Variants in CLCN5 observed in about 807,000 individuals in gnomAD.
CLCN5 encodes Cl-/H+ antiporter 5, also known as H(+)/Cl(-) exchange transporter 5.
In CLCN5, 17 loss-of-function variants were observed where a neutral mutation model predicts 54.0. That is an observed-to-expected ratio of 0.31 (90% CI 0.22 to 0.47). CLCN5 has a LOEUF of 0.47. CLCN5 is among the 20% of genes least tolerant of loss of function. CLCN5 has a pLI of 1.00. For synonymous variants in CLCN5, 222 were observed against 233.0 expected (o/e 0.95, Z 0.43); for missense variants, 448 against 646.7 (o/e 0.69, Z 3.33).
intron 3 of CLCN5, among the ~76,000 whole-genome samples, chrX:50,021,171 G>A (rs1327841611): frequency 8.2e-5 from 8 of 97,962 alleles, no homozygotes; most frequent in Non-Finnish European, 1.5e-4. Flanking sequence ...GTGGTTTGTA[G>A]TTCTCCTTGA....
rs782752625 is a variant in CLCN5 at position 49,932,185 on chromosome X, G to T, written c.16+6871G>T. On this transcript the variant is annotated intron_variant, in intron 3 of 14. Transcript: ENST00000376091. Reference sequence around the variant, plus strand: ...CCTGCCTTGGCCTCCCAAAGTGCAGGGATTACAGGCATGAGCCATCATGCC... The same window carrying T: ...CCTGCCTTGGCCTCCCAAAGTGCAGTGATTACAGGCATGAGCCATCATGCC... 2.7e-5 allele frequency among the ~76,000 whole-genome samples: 3 copies of T among 111,718 alleles called. No individual in the cohort carries two copies. The Admixed American group carries it at 2.8e-4, about 11-fold the overall frequency.
rs140990582 is a variant in CLCN5 at position 49,932,465 on chromosome X, A to T, written c.16+7151A>T. Among the ~76,000 whole-genome samples, 926 of 112,162 alleles carry T rather than the reference A, an allele frequency of 8.3e-3. 2 individuals carry two copies. The highest frequency in any genetic ancestry group is 0.014 in the Non-Finnish European group (729 of 53,230). On this transcript the variant is annotated intron_variant, in intron 3 of 14. Transcript: ENST00000376091. ...AGAAAACAAGTGATTTGAAAATGAG[A>T]TATAAGAGTCAGTAGACTCTCAACA...
chrX:50,032,817 T>A (rs1186905554), intron 3 of CLCN5, among the ~76,000 whole-genome samples: 16 of 109,608 alleles, frequency 1.5e-4, no homozygotes, highest in South Asian at 3.8e-4. Flanking sequence ...CTGAATGGTA[T>A]TGCCTAGGTT....
chrX:50,065,597 A>C (rs1386491869), intron 4 of CLCN5, among the ~76,000 whole-genome samples: 4 of 80,391 alleles, frequency 5.0e-5, no homozygotes, highest in Non-Finnish European at 7.1e-5. Context: ...TGTGGAAGTC[A>C]GTGTGGCGAT....
intron 4 of CLCN5, among the ~76,000 whole-genome samples, chrX:50,055,472 G>A (rs782013808): frequency 2.1e-4 from 23 of 111,516 alleles, no homozygotes; most frequent in East Asian, 5.6e-4. Context: ...CTGAATAAGC[G>A]TTCTTCCTCT....
intron 3 of CLCN5, among the ~76,000 whole-genome samples, chrX:50,038,362 G>A (rs1183035347): frequency 2.7e-5 from 3 of 111,258 alleles, no homozygotes; most frequent in Non-Finnish European, 3.8e-5. Context: ...ACAATGTAAA[G>A]ACCTGGAAGA....
At chrX:50,003,775 C>A (rs1178973346) in intron 3 of CLCN5, among the ~76,000 whole-genome samples, 1 of 109,623 alleles carries the variant, frequency 9.1e-6, no homozygotes, top group Non-Finnish European at 1.9e-5. Flanking sequence ...CATGGTGCAG[C>A]CCCTCATACT....
intron 3 of CLCN5, 145 bp downstream of exon 3, chrX:49,925,459 T>G: frequency 1.7e-6 from 1 of 575,094 alleles, no homozygotes. Flanking sequence ...CAAAACACAT[T>G]AGTTTAAAAA....
intron 3 of CLCN5, among the ~76,000 whole-genome samples, chrX:49,991,436 A>G (rs1277180103): frequency 9.0e-6 from 1 of 111,549 alleles, no homozygotes; most frequent in Non-Finnish European, 1.9e-5. Context: ...TTCTGTGCAG[A>G]TTTTGTATAT....
intron 4 of CLCN5, among the ~76,000 whole-genome samples, chrX:50,058,823 T>C (rs1407355474): frequency 9.0e-6 from 1 of 111,281 alleles, no homozygotes; most frequent in Admixed American, 9.6e-5. Flanking sequence ...TTGAGATAAG[T>C]TTTACTTTTT....
intron 3 of CLCN5, among the ~76,000 whole-genome samples, chrX:49,988,413 A>G (rs782017898): frequency 3.5e-4 from 39 of 111,628 alleles, no homozygotes; most frequent in South Asian, 7.5e-4. Context: ...TTCCTTATTT[A>G]TGAACCTAGG....
Position 50,044,132 on chromosome X carries a change from C to T in CLCN5, c.163+1670C>T, listed in dbSNP as rs782235869. On this transcript the variant is annotated intron_variant, in intron 4 of 14. Coordinates refer to ENST00000376091, the MANE Select transcript of CLCN5 (RefSeq NM_001127898.4). ...ATTTTCAGGATTAAATGAGATAATA[C>T]ATATATAGTGCTTATAACTATACCT... Among the ~76,000 whole-genome samples, 5 of 111,645 alleles carry T rather than the reference C, an allele frequency of 4.5e-5. No individual in the cohort carries two copies. The South Asian group carries it at 1.9e-3, about 42-fold the overall frequency.
At chrX:49,973,852 C>A (rs1557176611) in intron 3 of CLCN5, among the ~76,000 whole-genome samples, 1 of 111,234 alleles carries the variant, frequency 9.0e-6, no homozygotes, top group Non-Finnish European at 1.9e-5. Flanking sequence ...GCATCTGATT[C>A]ACACTAATTT....
At chrX:50,033,364 T>A (rs1466744656) in intron 3 of CLCN5, among the ~76,000 whole-genome samples, 2 of 111,198 alleles carry the variant, frequency 1.8e-5, no homozygotes, top group South Asian at 3.8e-4. Context: ...ATCATTCTTA[T>A]ACACCAATAA....
chrX:50,055,916 C>T (rs1465394015), intron 4 of CLCN5, among the ~76,000 whole-genome samples: 12 of 110,474 alleles, frequency 1.1e-4, no homozygotes, highest in Non-Finnish European at 2.3e-4. Context: ...TGCACTATTT[C>T]CCTATTACTA....
intron 3 of CLCN5, among the ~76,000 whole-genome samples, chrX:49,936,715 C>T (rs1234225530): frequency 1.8e-5 from 2 of 112,151 alleles, no homozygotes; most frequent in African/African-American, 3.2e-5. Flanking sequence ...TCCATTAGAG[C>T]GCACTTTGAA....
chrX:50,066,454 A>AC (rs1557190898), intron 4 of CLCN5, among the ~76,000 whole-genome samples: 2 of 111,102 alleles, frequency 1.8e-5, no homozygotes, highest in African/African-American at 3.3e-5. Flanking sequence ...AACCTTAAGA[A>AC]TTGATGCAAG....
chrX:50,042,573 C>A, intron 4 of CLCN5, 111 bp downstream of exon 4: 1 of 463,848 alleles, frequency 2.2e-6, no homozygotes, highest in Non-Finnish European at 3.2e-6. Context: ...GAGTTTTTAA[C>A]AAATGGCTAG....
Position 50,093,950 on chromosome X carries a change from G to A in CLCN5, c.*1731G>A, listed in dbSNP as rs1257709026. 1 of 110,840 alleles carries A rather than the reference G, an allele frequency of 9.0e-6. No individual in the cohort carries two copies. The highest frequency in any genetic ancestry group is 2.9e-4 in the East Asian group (1 of 3,498). 9.1% of individuals were successfully genotyped at this position (110,840 alleles called of 1,213,427 possible). Reference sequence around the variant, plus strand: ...GCCGGGGTAAGAGTTCAGCCTGGATGATTTTATAGCTCTGTTCCTAGCACT... The same window carrying A: ...GCCGGGGTAAGAGTTCAGCCTGGATAATTTTATAGCTCTGTTCCTAGCACT... On this transcript the variant is annotated 3_prime_UTR_variant, in exon 15 of 15. Coordinates refer to ENST00000376091, the MANE Select transcript of CLCN5 (RefSeq NM_001127898.4).
Sources: allele counts gnomAD v4.1 joint callset (sites outside exome capture counted in the v4.1 genomes callset), GRCh38; gene constraint gnomAD v4.1.1; transcripts MANE v1.5; gene names NCBI Gene and HGNC (gene_info 2026-07-23, HGNC 2026-07-21).